Variants in AJAP1 observed in about 807,000 individuals in gnomAD.
The protein encoded by AJAP1 is adherens junction-associated protein 1.
A neutral mutation model predicts 35.0 loss-of-function variants in AJAP1; 5 were observed. That is an observed-to-expected ratio of 0.14 (90% CI 0.07 to 0.30). The LOEUF is 0.30. AJAP1 is among the 10% of genes least tolerant of loss of function. The pLI is 1.00. For missense variants in AJAP1, 586 were observed against 571.0 expected (o/e 1.03, Z -0.27); for synonymous variants, 284 against 249.3 (o/e 1.14, Z -1.31).
intron 1 of AJAP1, among the ~76,000 whole-genome samples, chr1:4,706,238 T>C (rs950129313): frequency 3.3e-5 from 5 of 152,128 alleles, no homozygotes; most frequent in Non-Finnish European, 7.4e-5. Flanking sequence ...AACAAATATG[T>C]CTGTGTCTAT....
intron 2 of AJAP1, among the ~76,000 whole-genome samples, chr1:4,735,983 G>A (rs1443438265): frequency 2.0e-5 from 3 of 152,212 alleles, no homozygotes; most frequent in Non-Finnish European, 4.4e-5. Flanking sequence ...GGTTCCTTAA[G>A]GCCCCAGATC....
intron 2 of AJAP1, among the ~76,000 whole-genome samples, chr1:4,737,745 A>G (rs1400110521): frequency 1.3e-5 from 2 of 152,214 alleles, no homozygotes; most frequent in Non-Finnish European, 2.9e-5. Context: ...ATAATTATTT[A>G]AAATATTAGC....
chr1:4,704,711 A>G (rs1640062767), intron 1 of AJAP1, among the ~76,000 whole-genome samples: 1 of 152,198 alleles, frequency 6.6e-6, no homozygotes, highest in Non-Finnish European at 1.5e-5. Flanking sequence ...TTCTAGTTCT[A>G]GATCCCTGAG....
intron 4 of AJAP1, among the ~76,000 whole-genome samples, chr1:4,773,659 T>C (rs1465836201): frequency 6.6e-6 from 1 of 152,224 alleles, no homozygotes; most frequent in African/African-American, 2.4e-5. Context: ...CATTTCAGCC[T>C]TCCAGAAGGC....
At position 4,712,363 on chromosome 1, in the gene AJAP1, A is replaced by G; in HGVS notation, c.493A>G (p.Ser165Gly). 6.6e-7 allele frequency: 1 copy of G among 1,523,708 alleles called. No homozygotes were observed. The highest frequency in any genetic ancestry group is 8.8e-7 in the Non-Finnish European group (1 of 1,133,400). 94.4% of individuals were successfully genotyped at this position (1,523,708 alleles called of 1,614,324 possible). Reference sequence around the variant, plus strand: ...GAGGCACCTGCAGGGGGACGGTCTCAGCAGCTTCGACTCCAGAGGCAGCCG... The same window carrying G: ...GAGGCACCTGCAGGGGGACGGTCTCGGCAGCTTCGACTCCAGAGGCAGCCG... ...GKRHLQGDGL[S>G]SFDSRGSRPT... Residue 165 changes from serine (S) to glycine (G), a missense_variant, in exon 2 of 6, where the codon AGC becomes GGC. Ser to Gly is a moderately conservative substitution (Grantham distance 56, BLOSUM62 0). Transcript: ENST00000378191.
chr1:4,675,448 C>T (rs182644106), intron 1 of AJAP1, among the ~76,000 whole-genome samples: 1 of 152,302 alleles, frequency 6.6e-6, no homozygotes, highest in Admixed American at 6.5e-5. Context: ...GCCCAGGGAG[C>T]ATTGCCAGCC....
At chr1:4,668,376 G>A (rs552788282) in intron 1 of AJAP1, among the ~76,000 whole-genome samples, 46 of 152,248 alleles carry the variant, frequency 3.0e-4, no homozygotes, top group Admixed American at 1.2e-3. Flanking sequence ...GGGTGTCTGT[G>A]TGTTGTGAGG....
At chr1:4,689,362 T>C (rs1355448814) in intron 1 of AJAP1, among the ~76,000 whole-genome samples, 2 of 152,208 alleles carry the variant, frequency 1.3e-5, no homozygotes, top group African/African-American at 2.4e-5. Context: ...ATTTTCTGAT[T>C]TATTGGCAAG....
intron 1 of AJAP1, among the ~76,000 whole-genome samples, chr1:4,707,793 CTG>C (rs1231056276): frequency 2.0e-5 from 3 of 151,970 alleles, no homozygotes; most frequent in Non-Finnish European, 4.4e-5. Flanking sequence ...CCCTGGAACT[CTG>C]TCTTTAGGGT....
rs1292262324 is a variant in AJAP1 at position 4,655,219 on chromosome 1, C to G, written c.-207C>G. ...CGCGGGCCGCCCAGCCTGAGCCATGCGCCCCAACGGCGGCGGCGCGCCGGC... is the reference window on the plus strand; with the variant it reads ...CGCGGGCCGCCCAGCCTGAGCCATGGGCCCCAACGGCGGCGGCGCGCCGGC... On this transcript the variant is annotated 5_prime_UTR_variant, in exon 1 of 6. Transcript: ENST00000378191. The surrounding 1 kb of genome is among the most constrained non-coding windows in gnomAD (Gnocchi z 6.9). 6.3e-6 allele frequency: 1 copy of G among 158,856 alleles called. No individual in the cohort carries two copies. Among genetic ancestry groups the G allele is most frequent in the Non-Finnish European group, 1.3e-5 (1 of 76,646 alleles). The allele number at this position is 158,856 out of a possible 1,614,324, so 9.8% of individuals were successfully genotyped here. A position where few individuals can be genotyped will look rare whatever the true frequency, so the allele number is the denominator to read the frequency against.
chr1:4,759,052 C>T (rs1641505820), intron 2 of AJAP1, among the ~76,000 whole-genome samples: 2 of 152,326 alleles, frequency 1.3e-5, no homozygotes, highest in South Asian at 4.1e-4. Flanking sequence ...TTATATTGGT[C>T]ACTGACCCGT....
intron 2 of AJAP1, among the ~76,000 whole-genome samples, chr1:4,735,104 C>T (rs1640887703): frequency 6.6e-6 from 1 of 152,220 alleles, no homozygotes; most frequent in Admixed American, 6.5e-5. Flanking sequence ...AGGGGCTTCT[C>T]TTCTACACCT....
chr1:4,789,609 T>A lies in AJAP1; in HGVS notation c.*7124T>A, dbSNP rs975322225. On this transcript the variant is annotated 3_prime_UTR_variant, in exon 6 of 6. Coordinates refer to ENST00000378191, the MANE Select transcript of AJAP1 (RefSeq NM_018836.4). This position sits in a 1 kb window ranked among gnomAD's most constrained non-coding sequence, Gnocchi z 4.4. ...TAAGCAACTCACACTGGTTAGCTTTTGTCAGATTTCGTCGTTTCCGCAGCA... is the reference window on the plus strand; with the variant it reads ...TAAGCAACTCACACTGGTTAGCTTTAGTCAGATTTCGTCGTTTCCGCAGCA... 38 of 152,194 alleles carry A rather than the reference T, an allele frequency of 2.5e-4. No homozygotes were observed. The allele number at this position is 152,194 out of a possible 1,614,324, so 9.4% of individuals were successfully genotyped here.
intron 2 of AJAP1, among the ~76,000 whole-genome samples, chr1:4,768,833 G>A (rs765847338): frequency 5.3e-5 from 8 of 152,196 alleles, no homozygotes; most frequent in Non-Finnish European, 1.2e-4. Flanking sequence ...CAGCATCCAG[G>A]TCCCAGGAAG....
chr1:4,767,315 TCAC>T (rs1313204879), intron 2 of AJAP1, among the ~76,000 whole-genome samples: 1 of 151,562 alleles, frequency 6.6e-6, no homozygotes, highest in Admixed American at 6.6e-5. Flanking sequence ...ATCACCGTCA[TCAC>T]CATCACTATC....
intron 2 of AJAP1, among the ~76,000 whole-genome samples, chr1:4,755,158 A>G (rs1641400512): frequency 6.6e-6 from 1 of 152,224 alleles, no homozygotes; most frequent in Non-Finnish European, 1.5e-5. Flanking sequence ...CAGGGAGGGT[A>G]ACTGGGGGCC....
At position 4,692,439 on chromosome 1, in the gene AJAP1, G is replaced by A. The variant is rs898978050; in HGVS notation, c.30-19461G>A. On this transcript the variant is annotated intron_variant, in intron 1 of 5. Coordinates refer to ENST00000378191, the MANE Select transcript of AJAP1 (RefSeq NM_018836.4). The surrounding 1 kb of genome is among the most constrained non-coding windows in gnomAD (Gnocchi z 4.4). ...TAGCCTCCGTGGGACTCATCATTAC[G>A]AGGACTTGTAATTGCTTTGCTGGCT... Among the ~76,000 whole-genome samples the A allele has an allele frequency of 1.3e-5, 2 of 152,158 alleles. No individual in the cohort carries two copies. Among genetic ancestry groups the A allele is most frequent in the Non-Finnish European group, 2.9e-5 (2 of 68,016 alleles).
At chr1:4,728,102 G>A (rs1462213376) in intron 2 of AJAP1, among the ~76,000 whole-genome samples, 1 of 152,214 alleles carries the variant, frequency 6.6e-6, no homozygotes, top group African/African-American at 2.4e-5. Flanking sequence ...GACAGGTGGT[G>A]TTCGAGCCTC....
At chr1:4,685,844 A>T (rs1639592593) in intron 1 of AJAP1, among the ~76,000 whole-genome samples, 1 of 152,168 alleles carries the variant, frequency 6.6e-6, no homozygotes, top group African/African-American at 2.4e-5. Context: ...GTCAGGTGCC[A>T]TCTGGTCATC....
Sources: allele counts gnomAD v4.1 joint callset (sites outside exome capture counted in the v4.1 genomes callset), GRCh38; gene constraint gnomAD v4.1.1; non-coding constraint Gnocchi (gnomAD v3.1); transcripts MANE v1.5; gene names NCBI Gene and HGNC (gene_info 2026-07-23, HGNC 2026-07-21).